DPP6: variants seen among roughly 807,000 people sequenced by gnomAD.
The protein encoded by DPP6 is dipeptidyl peptidase like 6.
Under a neutral mutation model 122.6 loss-of-function variants are expected in DPP6, and 69 were observed. The ratio of observed to expected loss-of-function variants is 0.56; its 90% CI spans 0.46 to 0.69. DPP6 has a LOEUF of 0.69. Ranked by LOEUF, DPP6 falls within the 30% of genes least tolerant of loss-of-function variation. The pLI, the probability that DPP6 is intolerant of heterozygous loss-of-function variation, is 0.00. For synonymous variants in DPP6, 418 were observed against 433.1 expected (o/e 0.97, Z 0.43); for missense variants, 928 against 1,116.9 (o/e 0.83, Z 2.41).
chr7:153,806,173 T>G, the DPP6 span, among the ~76,000 whole-genome samples: 1 of 151,700 alleles, frequency 6.6e-6, no homozygotes, highest in Non-Finnish European at 1.5e-5. Context: ...CCTCCCTGCC[T>G]CTGGTCACTC....
In DPP6 at chr7:154,804,730, C is replaced by T. The variant is rs533717797; in HGVS notation, c.1500-187C>T. 3.2e-4 allele frequency among the ~76,000 whole-genome samples: 48 copies of T among 152,336 alleles called. 1 individual carries two copies. Among genetic ancestry groups the T allele is most frequent in the African/African-American group, 1.1e-3 (45 of 41,576 alleles). ...CAGTGGAATCTGCACTGGTGTCCCTCAGCCCTTAGGTGTCTGGCCACCCCC... is the reference window on the plus strand; with the variant it reads ...CAGTGGAATCTGCACTGGTGTCCCTTAGCCCTTAGGTGTCTGGCCACCCCC... On this transcript the variant is annotated intron_variant, in intron 14 of 25. Transcript: ENST00000377770.
At chr7:154,583,380 C>T (rs1329628906) in intron 5 of DPP6, among the ~76,000 whole-genome samples, 3 of 152,214 alleles carry the variant, frequency 2.0e-5, no homozygotes, top group Non-Finnish European at 4.4e-5. Context: ...CTCACCCCTC[C>T]CTCTTCCTCA....
intron 1 of DPP6, among the ~76,000 whole-genome samples, chr7:154,082,846 C>CTTTCTTTTTTTTTTTTT (rs1260484862): frequency 9.4e-6 from 1 of 106,276 alleles, no homozygotes; most frequent in Non-Finnish European, 1.9e-5. Context: ...TTTTCTTTTT[C>CTTTCTTTTTTTTTTTTT]TTTTTTTTTT....
intron 1 of DPP6, among the ~76,000 whole-genome samples, chr7:154,166,247 T>C (rs928420295): frequency 1.2e-4 from 19 of 152,248 alleles, no homozygotes; most frequent in Admixed American, 2.0e-4. Context: ...TGCAAAGCCA[T>C]GGCGTGTCAC....
At chr7:153,939,358 G>A (rs1021588395) in intron 1 of DPP6, among the ~76,000 whole-genome samples, 8 of 152,168 alleles carry the variant, frequency 5.3e-5, no homozygotes, top group Non-Finnish European at 1.0e-4. Context: ...AACAAATATT[G>A]TTAAGTGCCT....
chr7:153,922,186 T>C (rs1158728559), intron 1 of DPP6, among the ~76,000 whole-genome samples: 1 of 150,898 alleles, frequency 6.6e-6, no homozygotes, highest in African/African-American at 2.5e-5. Context: ...CAAGTGGGTG[T>C]ACTTTTCTTT....
intron 17 of DPP6, among the ~76,000 whole-genome samples, chr7:154,860,631 C>A (rs955501543): frequency 1.3e-5 from 2 of 152,220 alleles, no homozygotes; most frequent in Non-Finnish European, 2.9e-5. Context: ...GGCGAAGCAT[C>A]ATACAGAATC....
intron 16 of DPP6, among the ~76,000 whole-genome samples, chr7:154,808,625 C>G (rs966032245): frequency 6.6e-6 from 1 of 152,104 alleles, no homozygotes; most frequent in Non-Finnish European, 1.5e-5. Context: ...CAGAGAGGGC[C>G]AGCATCAAGG....
chr7:154,467,778 T>G (rs1376404548), intron 2 of DPP6, among the ~76,000 whole-genome samples: 1 of 152,200 alleles, frequency 6.6e-6, no homozygotes, highest in East Asian at 1.9e-4. Flanking sequence ...GGGAATTCAT[T>G]CCATTAGACA....
intron 1 of DPP6, among the ~76,000 whole-genome samples, chr7:153,918,466 A>ACACACT (rs1379555083): frequency 1.3e-4 from 12 of 95,946 alleles, no homozygotes; most frequent in South Asian, 4.2e-4. Context: ...ACACACACAC[A>ACACACT]CTCTCTCTCT....
At chr7:154,014,630 C>T (rs1798312559) in intron 1 of DPP6, among the ~76,000 whole-genome samples, 1 of 151,490 alleles carries the variant, frequency 6.6e-6, no homozygotes, top group Admixed American at 6.6e-5. Context: ...CCACTGCACT[C>T]GAGCCTGGGT....
At chr7:154,414,364 GAATC>G (rs1455086080) in intron 1 of DPP6, among the ~76,000 whole-genome samples, 8 of 152,140 alleles carry the variant, frequency 5.3e-5, no homozygotes, top group African/African-American at 1.7e-4. Context: ...TACATAGTGT[GAATC>G]AATCAATCAA....
At chr7:154,849,183 G>A (rs1017297678) in intron 16 of DPP6, among the ~76,000 whole-genome samples, 2 of 151,936 alleles carry the variant, frequency 1.3e-5, no homozygotes, top group African/African-American at 4.8e-5. Flanking sequence ...ATTTTTCTGT[G>A]AAAAAAATCA....
At chr7:154,186,249 T>G (rs1798347810) in intron 1 of DPP6, among the ~76,000 whole-genome samples, 1 of 152,256 alleles carries the variant, frequency 6.6e-6, no homozygotes, top group Non-Finnish European at 1.5e-5. Flanking sequence ...TAGAGGACTC[T>G]GACAATGTCT....
At chr7:154,335,303 TAAA>T (rs199736760) in intron 1 of DPP6, among the ~76,000 whole-genome samples, 1 of 152,134 alleles carries the variant, frequency 6.6e-6, no homozygotes. Context: ...GAGTATTTCT[TAAA>T]AAACAAAACA....
At chr7:154,068,017 C>G (rs1802863241) in intron 1 of DPP6, among the ~76,000 whole-genome samples, 1 of 150,958 alleles carries the variant, frequency 6.6e-6, no homozygotes, top group Admixed American at 6.6e-5. Context: ...CCACCTCGGT[C>G]TCCCAAAGTA....
chr7:154,671,889 A>T (rs531051372), intron 7 of DPP6, among the ~76,000 whole-genome samples: 2 of 107,516 alleles, frequency 1.9e-5, no homozygotes, highest in African/African-American at 6.9e-5. Context: ...CACACACACA[A>T]TGGTAGCTAG....
At chr7:154,634,478 CATGT>C (rs1484901318) in intron 5 of DPP6, among the ~76,000 whole-genome samples, 1 of 152,128 alleles carries the variant, frequency 6.6e-6, no homozygotes, top group African/African-American at 2.4e-5. Flanking sequence ...GACACATGCA[CATGT>C]ATGTTTCAGC....
rs1007478434 is a variant in DPP6 at position 154,185,381 on chromosome 7, T to C, written c.243+132318T>C. 4.9e-4 allele frequency among the ~76,000 whole-genome samples: 74 copies of C among 152,130 alleles called. 1 individual carries two copies. The highest frequency in any genetic ancestry group is 4.1e-4 in the South Asian group (2 of 4,830). Reference sequence around the variant, plus strand: ...AAGTAAAGAATTCTTTCCTGAATAGTTATTCTACTTGGGATTCAGGGAGAT... The same window carrying C: ...AAGTAAAGAATTCTTTCCTGAATAGCTATTCTACTTGGGATTCAGGGAGAT... On this transcript the variant is annotated intron_variant, in intron 1 of 25. Transcript: ENST00000377770.
Sources: allele counts gnomAD v4.1 joint callset (sites outside exome capture counted in the v4.1 genomes callset), GRCh38; gene constraint gnomAD v4.1.1; transcripts MANE v1.5; gene names NCBI Gene and HGNC (gene_info 2026-07-23, HGNC 2026-07-21).